The following CD99L2 variants were observed in gnomAD, a reference collection of about 807,000 sequenced individuals.
The protein encoded by CD99L2 is CD99 antigen-like protein 2.
Under a neutral mutation model 27.3 loss-of-function variants are expected in CD99L2, and 24 were observed. That is an observed-to-expected ratio of 0.88 (90% CI 0.64 to 1.24). The LOEUF (loss-of-function observed/expected upper bound fraction) is 1.24. Among genes scored for constraint, CD99L2 ranks in the 50% most tolerant of loss-of-function variants. The probability of loss-of-function intolerance (pLI) is 0.00; values close to 1 mark genes in which losing one functional copy is unlikely to be tolerated. For missense variants in CD99L2, 255 were observed against 221.6 expected (o/e 1.15, Z -0.96); for synonymous variants, 97 against 87.9 (o/e 1.10, Z -0.58).
At chrX:150,869,810 A>C (rs1049345464) in intron 1 of CD99L2, among the ~76,000 whole-genome samples, 10 of 111,376 alleles carry the variant, frequency 9.0e-5, no homozygotes, top group African/African-American at 3.3e-4. Context: ...TATCCATATA[A>C]GCAAGTAGTT....
At chrX:150,889,006 C>T (rs1311811080) in intron 1 of CD99L2, among the ~76,000 whole-genome samples, 4 of 112,653 alleles carry the variant, frequency 3.6e-5, no homozygotes, top group Non-Finnish European at 7.5e-5. Context: ...CAGCAATAGG[C>T]GACAGCAACG....
chrX:150,876,463 A>C (rs2047231288), intron 1 of CD99L2, among the ~76,000 whole-genome samples: 1 of 112,497 alleles, frequency 8.9e-6, no homozygotes, highest in Non-Finnish European at 1.9e-5. Flanking sequence ...ATACAAAACA[A>C]ATCAAAATAA....
intron 1 of CD99L2, among the ~76,000 whole-genome samples, chrX:150,832,199 T>A (rs2046455200): frequency 8.8e-6 from 1 of 113,035 alleles, no homozygotes. Flanking sequence ...TCATATCAAG[T>A]ATCTTTTCTG....
At chrX:150,844,624 G>C (rs1279114056) in intron 1 of CD99L2, among the ~76,000 whole-genome samples, 4 of 112,311 alleles carry the variant, frequency 3.6e-5, no homozygotes, top group Non-Finnish European at 7.5e-5. Flanking sequence ...CTCTGGACTT[G>C]CTAAGCACTG....
At chrX:150,845,756 T>C (rs369660364) in intron 1 of CD99L2, among the ~76,000 whole-genome samples, 2 of 112,066 alleles carry the variant, frequency 1.8e-5, no homozygotes, top group African/African-American at 6.5e-5. Flanking sequence ...ATAAGGTGGA[T>C]GGCATGATAG....
intron 1 of CD99L2, among the ~76,000 whole-genome samples, chrX:150,886,830 C>T (rs1159503266): frequency 9.0e-6 from 1 of 111,467 alleles, no homozygotes; most frequent in Non-Finnish European, 1.9e-5. Context: ...GTCCAAAGGT[C>T]AGCAGTGCCA....
chrX:150,861,325 T>C (rs940373251), intron 1 of CD99L2, among the ~76,000 whole-genome samples: 12 of 110,655 alleles, frequency 1.1e-4, no homozygotes, highest in African/African-American at 3.9e-4. Flanking sequence ...GCAAAAAGAA[T>C]AAAGCTGGAG....
intron 4 of CD99L2, among the ~76,000 whole-genome samples, chrX:150,801,380 T>C (rs781865700): frequency 1.8e-5 from 2 of 111,627 alleles, no homozygotes; most frequent in East Asian, 2.8e-4. Flanking sequence ...AAAAGGGAGA[T>C]TGGCATCTTC....
At chrX:150,774,176 G>A (rs1557419190) in intron 9 of CD99L2, among the ~76,000 whole-genome samples, 1 of 111,982 alleles carries the variant, frequency 8.9e-6, no homozygotes, top group East Asian at 2.8e-4. Flanking sequence ...TTACCAACTA[G>A]TTTAGTCAGT....
At chrX:150,862,195 T>C (rs1484169046) in intron 1 of CD99L2, among the ~76,000 whole-genome samples, 1 of 112,210 alleles carries the variant, frequency 8.9e-6, no homozygotes, top group African/African-American at 3.2e-5. Flanking sequence ...TAGCATCCAA[T>C]ACCCCTGTGG....
chrX:150,793,048 C>T lies in CD99L2; in HGVS notation c.496+643G>A, dbSNP rs1437638924. Among the ~76,000 whole-genome samples the T allele has an allele frequency of 3.6e-5, 4 of 111,448 alleles. No homozygotes were observed. In the East Asian group the frequency reaches 1.1e-3, roughly 31 times the overall value. ...CACACATAACATTTTATAGACCTAC[C>T]CATACTCGCTCACACACGCATATCT... On this transcript the variant is annotated intron_variant, in intron 7 of 10. Coordinates refer to ENST00000370377, the MANE Select transcript of CD99L2 (RefSeq NM_031462.4).
rs782463519 is a variant in CD99L2 at position 150,835,859 on chromosome X, A to G, written c.68-4566T>C. ...TCTCCATAGAGAAGTAAGAGGGGTC[A>G]TTGGAGCCCACAGCTCCACTGATGA... On this transcript the variant is annotated intron_variant, in intron 1 of 10. Coordinates refer to ENST00000370377, the MANE Select transcript of CD99L2 (RefSeq NM_031462.4). Among the ~76,000 whole-genome samples the G allele has an allele frequency of 1.1e-3, 122 of 111,874 alleles. 2 individuals are homozygous for G. The highest frequency in any genetic ancestry group is 1.7e-3 in the Admixed American group (18 of 10,539).
intron 4 of CD99L2, among the ~76,000 whole-genome samples, chrX:150,811,116 T>A (rs1361770453): frequency 8.9e-6 from 1 of 112,226 alleles, no homozygotes; most frequent in Non-Finnish European, 1.9e-5. Context: ...GACAAAGGAT[T>A]TGAATAGACA....
chrX:150,893,441 C>A (rs1557422946), intron 1 of CD99L2, among the ~76,000 whole-genome samples: 2 of 108,995 alleles, frequency 1.8e-5, no homozygotes, highest in South Asian at 4.0e-4. Context: ...CCCAAGTCAG[C>A]CCATGAGGCT....
intron 2 of CD99L2, 168 bp from the exon 3 acceptor site, chrX:150,816,246 G>T (rs2046153567): frequency 2.1e-6 from 1 of 472,843 alleles, no homozygotes; most frequent in East Asian, 3.6e-5. Context: ...ATGACAAAAT[G>T]ATATAGGTTT....
chrX:150,771,776 G>C (rs2043460435), intron 9 of CD99L2: 1 of 1,152,699 alleles, frequency 8.7e-7, no homozygotes, highest in African/African-American at 1.8e-5. Context: ...TGAAGCAAAA[G>C]GAAAGTGAGG....
chrX:150,841,790 A>G (rs1443586359), intron 1 of CD99L2, among the ~76,000 whole-genome samples: 1 of 111,838 alleles, frequency 8.9e-6, no homozygotes, highest in Non-Finnish European at 1.9e-5. Context: ...TTCAGTTTCA[A>G]TCTAGATCCT....
At chrX:150,778,240 C>T (rs1016798375) in intron 7 of CD99L2, among the ~76,000 whole-genome samples, 10 of 110,746 alleles carry the variant, frequency 9.0e-5, no homozygotes, top group Non-Finnish European at 1.9e-4. Context: ...CCACTGGTGC[C>T]ATTTCAGTAC....
At chrX:150,813,518 A>AC (rs1557420395) in intron 4 of CD99L2, among the ~76,000 whole-genome samples, 1 of 112,150 alleles carries the variant, frequency 8.9e-6, no homozygotes, top group African/African-American at 3.2e-5. Context: ...GCGCAGGGAA[A>AC]CCTAGAAAAT....
Sources: gnomAD v4.1 joint callset for allele counts (sites outside exome capture counted in the v4.1 genomes callset) on GRCh38, gnomAD v4.1.1 for gene constraint, MANE v1.5 for transcripts, NCBI Gene and HGNC (gene_info 2026-07-23, HGNC 2026-07-21) for gene names.